MTMR2: variants seen among roughly 807,000 people sequenced by gnomAD.
MTMR2 encodes the protein phosphatidylinositol-3,5-bisphosphate 3-phosphatase MTMR2.
MTMR2 carries 55 observed loss-of-function variants against 86.9 expected under a neutral mutation model. The observed-to-expected ratio is 0.63, with a 90% CI of 0.51 to 0.79. The LOEUF is 0.79. Ranked by LOEUF, MTMR2 falls within the 30% of genes least tolerant of loss-of-function variation. The pLI is 0.00. For synonymous variants in MTMR2, 241 were observed against 266.8 expected (o/e 0.90, Z 0.94); for missense variants, 659 against 772.3 (o/e 0.85, Z 1.74).
intron 1 of MTMR2, among the ~76,000 whole-genome samples, chr11:95,904,368 G>A (rs1046521488): frequency 6.6e-6 from 1 of 152,172 alleles, no homozygotes; most frequent in Non-Finnish European, 1.5e-5. Context: ...TGAAAGAGAT[G>A]TCTATATGTC....
chr11:95,907,695 A>G (rs1217672297), intron 1 of MTMR2, among the ~76,000 whole-genome samples: 1 of 152,226 alleles, frequency 6.6e-6, no homozygotes, highest in Non-Finnish European at 1.5e-5. Flanking sequence ...CCCGGGATGC[A>G]AGGCTGGTTC....
chr11:95,893,578 A>G (rs1865782275), intron 1 of MTMR2, among the ~76,000 whole-genome samples: 3 of 152,114 alleles, frequency 2.0e-5, no homozygotes, highest in African/African-American at 7.2e-5. Context: ...GACCAACATA[A>G]CCATCTTTCT....
At chr11:95,904,557 G>A (rs923841084) in intron 1 of MTMR2, among the ~76,000 whole-genome samples, 1 of 152,192 alleles carries the variant, frequency 6.6e-6, no homozygotes, top group African/African-American at 2.4e-5. Flanking sequence ...CGGTAAAGAA[G>A]CCAGCCAAAT....
chr11:95,891,772 T>TTCC (rs1181541989), intron 1 of MTMR2, among the ~76,000 whole-genome samples: 51 of 152,158 alleles, frequency 3.4e-4, no homozygotes, highest in African/African-American at 1.2e-3. Context: ...GGGTACAGTG[T>TTCC]GGGAATACAT....
At chr11:95,837,589 G>A (rs900895895) in intron 13 of MTMR2, among the ~76,000 whole-genome samples, 21 of 151,884 alleles carry the variant, frequency 1.4e-4, no homozygotes, top group Non-Finnish European at 8.8e-5. Context: ...AAGGGATAAC[G>A]AAAAACTTTA....
At chr11:95,912,363 G>A (rs1376960980) in intron 1 of MTMR2, among the ~76,000 whole-genome samples, 2 of 151,340 alleles carry the variant, frequency 1.3e-5, no homozygotes, top group African/African-American at 4.8e-5. Flanking sequence ...CCATGGTTAT[G>A]AAAAGAACAA....
chr11:95,908,102 C>A (rs1866353917), intron 1 of MTMR2, among the ~76,000 whole-genome samples: 3 of 152,080 alleles, frequency 2.0e-5, no homozygotes, highest in African/African-American at 2.4e-5. Context: ...ACCCAACAGT[C>A]TCTGCCCAAA....
chr11:95,845,079 A>G lies in MTMR2; in HGVS notation c.1260T>C (p.Gly420=), dbSNP rs754465336. The change falls in exon 11 of 15, where the codon GGT becomes GGC. Residue 420 remains glycine, a synonymous_variant. Transcript: ENST00000346299. ...AAGTGAGCTGAGCTGTGCGATCCCA[A>G]CCATCACTGCAATGCACTACCACAG... is the stretch of plus-strand genomic sequence containing the variant. ...KTSVVVHCSD[G]WDRTAQLTSL... is the part of the protein sequence containing the mutation. The G allele has an allele frequency of 1.2e-6, 2 of 1,613,916 alleles. No homozygotes were observed. Among genetic ancestry groups the G allele is most frequent in the South Asian group, 2.2e-5 (2 of 91,082 alleles).
intron 12 of MTMR2, among the ~76,000 whole-genome samples, chr11:95,838,781 T>C (rs747522279): frequency 5.3e-5 from 8 of 152,024 alleles, no homozygotes; most frequent in South Asian, 2.1e-4. Flanking sequence ...GCCACTATTT[T>C]GGCAGCATCT....
In MTMR2 at chr11:95,924,038, A is replaced by C. The variant is rs1057341279; in HGVS notation, c.-84T>G. 2.6e-6 allele frequency: 4 copies of C among 1,517,784 alleles called. No homozygotes were observed. The highest frequency in any genetic ancestry group is 1.4e-5 in the African/African-American group (1 of 72,290). 94.0% of individuals were successfully genotyped at this position (1,517,784 alleles called of 1,614,324 possible). ...AGAAGCGGAGGGCGGAGTGCTACGG[A>C]CCGGGGCCGCAGTCAGGCCAGCGCC... On this transcript the variant is annotated 5_prime_UTR_variant, in exon 1 of 15. Coordinates refer to ENST00000346299, the MANE Select transcript of MTMR2 (RefSeq NM_016156.6).
chr11:95,841,085 A>G (rs1437681800), intron 12 of MTMR2, among the ~76,000 whole-genome samples: 2 of 152,152 alleles, frequency 1.3e-5, no homozygotes, highest in East Asian at 1.9e-4. Context: ...TAATATTTCA[A>G]ATAAATTTGT....
rs778430688 is a variant in MTMR2, at chr11:95,923,941, G to C, written c.14C>G (p.Ser5Trp). MEKS[S>W]SCESLGSQPA... ...CTGGGAGCCAAGACTCTCGCAGCTCGAGCTCTTCTCCATCGCGCGGCAGGG... is the reference window on the plus strand; with the variant it reads ...CTGGGAGCCAAGACTCTCGCAGCTCCAGCTCTTCTCCATCGCGCGGCAGGG... Residue 5 changes from serine (S) to tryptophan (W), a missense_variant, in exon 1 of 15, where the codon TCG becomes TGG. By Grantham distance (177) the Ser-to-Trp change is radical (BLOSUM62 -3). This residue lies in a region of MTMR2 where 79 missense variants were observed against 54.4 expected (regional missense o/e 1.45). Transcript: ENST00000346299. 50 of 1,560,542 alleles carry C rather than the reference G, an allele frequency of 3.2e-5. No individual in the cohort carries two copies. Among genetic ancestry groups the C allele is most frequent in the Non-Finnish European group, 4.1e-5 (47 of 1,151,998 alleles).
chr11:95,881,768 A>G (rs1212146388), intron 2 of MTMR2, among the ~76,000 whole-genome samples: 1 of 152,154 alleles, frequency 6.6e-6, no homozygotes, highest in African/African-American at 2.4e-5. Context: ...TCCTCTATAA[A>G]TAATGAAAGT....
rs1274634781 is a variant in MTMR2 at position 95,833,436 on chromosome 11, T to TCCTC, written c.*1850_*1853dup. The TCCTC allele has an allele frequency of 2.6e-5, 4 of 152,046 alleles. No homozygotes were observed. The highest frequency in any genetic ancestry group is 6.6e-5 in the Admixed American group (1 of 15,232). 9.4% of individuals were successfully genotyped at this position (152,046 alleles called of 1,614,324 possible). On this transcript the variant is annotated 3_prime_UTR_variant, in exon 15 of 15. Transcript: ENST00000346299. ...AATATATAAAAAGGGCTAGTATTCC[T>TCCTC]CCTCCCTCCCTCCCACACACACCAG... is the stretch of plus-strand genomic sequence containing the variant.
intron 1 of MTMR2, among the ~76,000 whole-genome samples, chr11:95,917,807 T>C (rs999209325): frequency 2.0e-5 from 3 of 152,186 alleles, no homozygotes; most frequent in Non-Finnish European, 4.4e-5. Flanking sequence ...AAGGAGGGGT[T>C]GGTCTTGCTG....
intron 2 of MTMR2, among the ~76,000 whole-genome samples, chr11:95,871,807 A>C (rs1303069895): frequency 6.6e-6 from 1 of 152,088 alleles, no homozygotes; most frequent in Non-Finnish European, 1.5e-5. Context: ...GAAGTCCTTG[A>C]CCATGCCTAT....
In MTMR2 at chr11:95,834,977, A is replaced by T. The variant is rs1401454534; in HGVS notation, c.*313T>A. ...TCTAAAATGGTTTTAATATTACCAG[A>T]TGCCAAAAATTTGTAACAGCATTTG... On this transcript the variant is annotated 3_prime_UTR_variant, in exon 15 of 15. Transcript: ENST00000346299. 1 of 365,228 alleles carries T rather than the reference A, an allele frequency of 2.7e-6. No homozygotes were observed. The highest frequency in any genetic ancestry group is 2.1e-5 in the African/African-American group (1 of 48,032). The allele number at this position is 365,228 out of a possible 1,614,324, so 22.6% of individuals were successfully genotyped here. A position where few individuals can be genotyped will look rare whatever the true frequency, so the allele number is the denominator to read the frequency against.
intron 2 of MTMR2, chr11:95,866,340 T>C (rs1431424139): frequency 6.6e-6 from 1 of 152,646 alleles, no homozygotes; most frequent in African/African-American, 2.4e-5. Context: ...CAAATTGTCA[T>C]ATGCTAAATA....
intron 1 of MTMR2, chr11:95,923,669 A>G: frequency 7.0e-7 from 1 of 1,425,542 alleles, no homozygotes; most frequent in East Asian, 2.5e-5. Context: ...AGAGGAATCG[A>G]TAAAGAAGCA....
Sources: gnomAD v4.1 joint callset for allele counts (sites outside exome capture counted in the v4.1 genomes callset) on GRCh38, gnomAD v4.1.1 for gene constraint, gnomAD v4.1.1 regional missense constraint, MANE v1.5 for transcripts, NCBI Gene and HGNC (gene_info 2026-07-23, HGNC 2026-07-21) for gene names.